Variants in CCDC171 observed in about 807,000 individuals in gnomAD.
The protein encoded by CCDC171 is coiled-coil domain containing 171.
CCDC171 carries 177 observed loss-of-function variants against 168.2 expected under a neutral mutation model. The observed-to-expected ratio is 1.05, with a 90% confidence interval of 0.93 to 1.19. The LOEUF (loss-of-function observed/expected upper bound fraction) is 1.19, where lower values mean the gene tolerates loss of function less well. CCDC171 is among the 50% of genes most tolerant of loss of function. The pLI is 0.00. For missense variants in CCDC171, 1,991 were observed against 1,539.0 expected (o/e 1.29, Z -4.91); for synonymous variants, 687 against 540.8 (o/e 1.27, Z -3.75).
chr9:15,830,789 G>A (rs79294415), intron 21 of CCDC171, among the ~76,000 whole-genome samples: 3,771 of 152,178 alleles, frequency 0.025, 170 homozygotes, highest in African/African-American at 0.085. Flanking sequence ...CTGGTTAAGA[G>A]TGGTTAGAAT....
In CCDC171 at chr9:15,745,498, T is replaced by G; in HGVS notation, c.2555-17T>G. The stretch of plus-strand genomic sequence containing the variant: ...AAGTTTTGTAGAATTTTACAATGGA[T>G]TTTTTCAATTTTATAGAACATCAAA... On this transcript the variant is annotated splice_polypyrimidine_tract_variant and intron_variant, in intron 17 of 25. Transcript: ENST00000380701. 6.8e-7 allele frequency: 1 copy of G among 1,474,632 alleles called. No homozygotes were observed. Among genetic ancestry groups the G allele is most frequent in the Non-Finnish European group, 9.1e-7 (1 of 1,094,110 alleles). 91.3% of individuals were successfully genotyped at this position (1,474,632 alleles called of 1,614,324 possible).
intron 24 of CCDC171, among the ~76,000 whole-genome samples, chr9:15,897,482 T>C (rs990106208): frequency 3.9e-5 from 6 of 152,134 alleles, no homozygotes; most frequent in Admixed American, 2.6e-4. Context: ...TACAAATGTT[T>C]ATTGAACAAC....
intron 25 of CCDC171, among the ~76,000 whole-genome samples, chr9:15,926,017 C>G (rs1441124925): frequency 6.6e-6 from 1 of 151,546 alleles, no homozygotes; most frequent in Non-Finnish European, 1.5e-5. Context: ...GTGAGTTCCT[C>G]TTCTAGCTAG....
chr9:15,945,515 A>G (rs978852618), intron 25 of CCDC171, among the ~76,000 whole-genome samples: 3 of 148,396 alleles, frequency 2.0e-5, no homozygotes, highest in Non-Finnish European at 4.5e-5. Context: ...AAGTGTTCCT[A>G]TTTCTCCACA....
At chr9:15,611,233 C>T (rs900716084) in intron 6 of CCDC171, among the ~76,000 whole-genome samples, 3 of 152,186 alleles carry the variant, frequency 2.0e-5, no homozygotes, top group African/African-American at 7.2e-5. Context: ...CAGCATCATG[C>T]TTCCTGTACA....
At chr9:15,908,986 A>C (rs1823192208) in intron 24 of CCDC171, among the ~76,000 whole-genome samples, 1 of 152,172 alleles carries the variant, frequency 6.6e-6, no homozygotes, top group Non-Finnish European at 1.5e-5. Context: ...CCAACTGTGC[A>C]CTTCTTCCAT....
Position 15,909,420 on chromosome 9 carries a change from ACACG to A in CCDC171, c.3601-10849_3601-10846del, listed in dbSNP as rs1156468413. 4.2e-5 allele frequency among the ~76,000 whole-genome samples: 6 copies of A among 141,490 alleles called. No individual in the cohort carries two copies. In the East Asian group the frequency reaches 6.6e-4, roughly 16 times the overall value. 92.8% of individuals were successfully genotyped at this position (141,490 alleles called of 152,430 possible). ...TGTGCGTACACACACACACACACACACACGTGCACATAATTCCACTGGCAAAGCG... is the reference window on the plus strand; with the variant it reads ...TGTGCGTACACACACACACACACACATGCACATAATTCCACTGGCAAAGCG... On this transcript the variant is annotated intron_variant, in intron 24 of 25. Coordinates refer to ENST00000380701, the MANE Select transcript of CCDC171 (RefSeq NM_173550.4).
chr9:15,996,959 T>C (rs1589309382), intron 3 of CCDC171, among the ~76,000 whole-genome samples: 1 of 152,188 alleles, frequency 6.6e-6, no homozygotes, highest in East Asian at 1.9e-4. Context: ...AGTGGGTGGA[T>C]TGGTCATTGT....
At chr9:15,906,247 T>G (rs1369762578) in intron 24 of CCDC171, among the ~76,000 whole-genome samples, 1 of 152,216 alleles carries the variant, frequency 6.6e-6, no homozygotes, top group African/African-American at 2.4e-5. Flanking sequence ...CCAATGTCCT[T>G]GATGAACATC....
intron 21 of CCDC171, among the ~76,000 whole-genome samples, chr9:15,786,322 T>G (rs958035851): frequency 6.6e-6 from 1 of 152,146 alleles, no homozygotes; most frequent in Non-Finnish European, 1.5e-5. Context: ...TTTTTCACTT[T>G]TTTACACAAG....
At chr9:15,686,997 A>G (rs546135373) in intron 10 of CCDC171, among the ~76,000 whole-genome samples, 1 of 152,362 alleles carries the variant, frequency 6.6e-6, no homozygotes, top group Admixed American at 6.5e-5. Flanking sequence ...TGGATAGATC[A>G]TATGCTAGGC....
chr9:15,812,797 T>A (rs1391125124), intron 21 of CCDC171, among the ~76,000 whole-genome samples: 2 of 152,208 alleles, frequency 1.3e-5, no homozygotes, highest in African/African-American at 2.4e-5. Context: ...TGTTGCCCAC[T>A]CTTCCTTTCT....
intron 3 of CCDC171, among the ~76,000 whole-genome samples, chr9:15,984,754 C>G (rs1459061611): frequency 6.6e-6 from 1 of 152,020 alleles, no homozygotes; most frequent in East Asian, 1.9e-4. Context: ...ACAAAATCTG[C>G]TCTATAAATT....
intron 21 of CCDC171, among the ~76,000 whole-genome samples, chr9:15,838,537 A>C (rs1347622775): frequency 3.3e-5 from 5 of 152,240 alleles, no homozygotes; most frequent in Admixed American, 6.5e-5. Context: ...TTCTTTAAAA[A>C]AATCTTCCAC....
chr9:15,971,724 C>T lies in CCDC171; in HGVS notation c.3869C>T (p.Thr1290Ile). The T allele has an allele frequency of 1.9e-6, 3 of 1,613,876 alleles. No individual in the cohort carries two copies. The highest frequency in any genetic ancestry group is 2.5e-6 in the Non-Finnish European group (3 of 1,179,838). Residue 1290 changes from threonine to isoleucine, a missense_variant, in exon 26 of 26, where the codon ACT (threonine) becomes ATT (isoleucine). By Grantham distance (89) the Thr-to-Ile change is moderately conservative (BLOSUM62 -1). Coordinates refer to ENST00000380701, the MANE Select transcript of CCDC171 (RefSeq NM_173550.4). ...PLKAELDTTY[T>I]FLKETFINTV... ...AAAGCTGAACTTGATACTACTTACA[C>T]TTTCTTAAAGGAGACATTTATAAAT...
the CCDC171 span, among the ~76,000 whole-genome samples, chr9:16,089,935 G>A: frequency 6.6e-6 from 1 of 152,160 alleles, no homozygotes; most frequent in Non-Finnish European, 1.5e-5. Flanking sequence ...TGCTGGAGAG[G>A]ATGTGGAGAA....
chr9:15,795,829 C>A (rs1210286534), intron 21 of CCDC171, among the ~76,000 whole-genome samples: 1 of 152,188 alleles, frequency 6.6e-6, no homozygotes, highest in Admixed American at 6.5e-5. Flanking sequence ...CTGTGCCACA[C>A]ACAGGGTCTT....
Position 15,972,115 on chromosome 9 carries a change from C to T in CCDC171, c.*279C>T. On this transcript the variant is annotated 3_prime_UTR_variant, in exon 26 of 26. Coordinates refer to ENST00000380701, the MANE Select transcript of CCDC171 (RefSeq NM_173550.4). ...CACATTTTGGGTAATTTCCCTCAGA[C>T]TTAAAAAAATCAATAAGCCATTTTA... 1 of 385,642 alleles carries T rather than the reference C, an allele frequency of 2.6e-6. No individual in the cohort carries two copies. Among genetic ancestry groups the T allele is most frequent in the South Asian group, 4.1e-5 (1 of 24,520 alleles). 23.9% of individuals were successfully genotyped at this position (385,642 alleles called of 1,614,324 possible). A position where few individuals can be genotyped will look rare whatever the true frequency, so the allele number is the denominator to read the frequency against.
At chr9:15,803,494 C>T (rs1047669808) in intron 21 of CCDC171, among the ~76,000 whole-genome samples, 1 of 152,012 alleles carries the variant, frequency 6.6e-6, no homozygotes, top group East Asian at 1.9e-4. Flanking sequence ...ACCCAGTTCT[C>T]CCAGCACCAT....
Sources: gnomAD v4.1 joint callset for allele counts (sites outside exome capture counted in the v4.1 genomes callset) on GRCh38, gnomAD v4.1.1 for gene constraint, MANE v1.5 for transcripts, NCBI Gene and HGNC (gene_info 2026-07-23, HGNC 2026-07-21) for gene names.